The following CREB5 variants were observed in gnomAD, a reference collection of about 807,000 sequenced individuals.
The protein encoded by CREB5 is cAMP responsive element binding protein 5, also known as cyclic AMP-responsive element-binding protein 5.
CREB5 carries 19 observed loss-of-function variants against 57.1 expected under a neutral mutation model. The ratio of observed to expected loss-of-function variants is 0.33; its 90% CI spans 0.23 to 0.49. CREB5 has a LOEUF of 0.49. Ranked by LOEUF, CREB5 falls within the 20% of genes least tolerant of loss-of-function variation. The probability of loss-of-function intolerance (pLI) is 0.99; values close to 1 mark genes in which losing one functional copy is unlikely to be tolerated. For synonymous variants in CREB5, 238 were observed against 238.3 expected (o/e 1.00, Z 0.01); for missense variants, 579 against 671.6 (o/e 0.86, Z 1.52).
chr7:28,411,453 TAAGTCATTGA>T (rs1295873483), upstream of CREB5, among the ~76,000 whole-genome samples: 1 of 148,274 alleles, frequency 6.7e-6, no homozygotes, highest in Non-Finnish European at 1.5e-5. Context: ...GTCGAATACG[TAAGTCATTGA>T]ACTGAGTCAG....
At chr7:28,543,002 C>T (rs927282735) in intron 4 of CREB5, among the ~76,000 whole-genome samples, 1 of 152,086 alleles carries the variant, frequency 6.6e-6, no homozygotes, top group African/African-American at 2.4e-5. Flanking sequence ...TCATAATTGC[C>T]CTGATCATCA....
chr7:28,332,775 C>T (rs534971131), intron 1 of CREB5, among the ~76,000 whole-genome samples: 17 of 152,310 alleles, frequency 1.1e-4, no homozygotes, highest in African/African-American at 3.8e-4. Context: ...ATGGGCATCT[C>T]TCCATGTGAA....
intron 7 of CREB5, among the ~76,000 whole-genome samples, chr7:28,799,568 C>T (rs781337513): frequency 6.6e-6 from 1 of 152,134 alleles, no homozygotes. Flanking sequence ...TCTGGTGCAT[C>T]GTATTTATTT....
At chr7:28,604,041 A>C (rs1797024916) in intron 5 of CREB5, among the ~76,000 whole-genome samples, 1 of 152,184 alleles carries the variant, frequency 6.6e-6, no homozygotes, top group South Asian at 2.1e-4. Flanking sequence ...GAAAGTTTTC[A>C]AACCAGTTCA....
intron 5 of CREB5, among the ~76,000 whole-genome samples, chr7:28,712,016 C>T (rs1317390607): frequency 6.6e-6 from 1 of 152,158 alleles, no homozygotes; most frequent in East Asian, 1.9e-4. Context: ...CCCCATTTTA[C>T]AGTTGAAGAA....
intron 1 of CREB5, among the ~76,000 whole-genome samples, chr7:28,404,688 G>A (rs1277526315): frequency 6.6e-6 from 1 of 152,188 alleles, no homozygotes; most frequent in Non-Finnish European, 1.5e-5. Flanking sequence ...GTGTGACCAG[G>A]TATCACAGGC....
intron 5 of CREB5, among the ~76,000 whole-genome samples, chr7:28,588,787 T>G (rs1796391080): frequency 6.6e-6 from 1 of 152,154 alleles, no homozygotes; most frequent in Admixed American, 6.5e-5. Flanking sequence ...CCTGCTGTAT[T>G]TTCTTACCTA....
chr7:28,700,340 G>C (rs531031250), intron 5 of CREB5, among the ~76,000 whole-genome samples: 34 of 152,126 alleles, frequency 2.2e-4, no homozygotes, highest in African/African-American at 8.2e-4. Flanking sequence ...TGGAACCCCC[G>C]GGGTATTAAA....
At chr7:28,378,785 G>C (rs761896576) in intron 1 of CREB5, among the ~76,000 whole-genome samples, 1 of 152,228 alleles carries the variant, frequency 6.6e-6, no homozygotes, top group Admixed American at 6.5e-5. Flanking sequence ...TCCTTGGGTA[G>C]AGTTGTTCAA....
At chr7:28,455,689 G>C (rs1295493420) in intron 1 of CREB5, among the ~76,000 whole-genome samples, 1 of 151,864 alleles carries the variant, frequency 6.6e-6, no homozygotes, top group Non-Finnish European at 1.5e-5. Context: ...GGAATGCGGG[G>C]TTAAAGTAGT....
intron 6 of CREB5, among the ~76,000 whole-genome samples, chr7:28,720,747 T>C (rs914017363): frequency 3.9e-5 from 6 of 152,192 alleles, no homozygotes; most frequent in South Asian, 2.1e-4. Flanking sequence ...TATCCCACAT[T>C]TTATTCAACC....
At chr7:28,708,011 C>G (rs780908376) in intron 5 of CREB5, among the ~76,000 whole-genome samples, 1 of 152,184 alleles carries the variant, frequency 6.6e-6, no homozygotes, top group Non-Finnish European at 1.5e-5. Flanking sequence ...CCACACCTCC[C>G]CCTTCTCCCC....
chr7:28,368,064 T>C (rs1221537438), intron 1 of CREB5, among the ~76,000 whole-genome samples: 1 of 152,172 alleles, frequency 6.6e-6, no homozygotes, highest in Admixed American at 6.5e-5. Flanking sequence ...ATCATGTTAC[T>C]CCACTGGCTA....
At chr7:28,625,843 A>G (rs927268385) in intron 5 of CREB5, among the ~76,000 whole-genome samples, 23 of 152,222 alleles carry the variant, frequency 1.5e-4, no homozygotes. Context: ...ATGACATAAT[A>G]TCATAGAGGA....
chr7:28,737,561 ATATATATATATATATAT>A (rs1562606547), intron 7 of CREB5, among the ~76,000 whole-genome samples: 7 of 131,786 alleles, frequency 5.3e-5, no homozygotes, highest in African/African-American at 2.0e-4. Flanking sequence ...ATATATATAT[ATATATATATATATATAT>A]ATATATATAT....
intron 4 of CREB5, among the ~76,000 whole-genome samples, chr7:28,510,644 T>C (rs1463264061): frequency 6.6e-6 from 1 of 152,238 alleles, no homozygotes; most frequent in African/African-American, 2.4e-5. Context: ...GTACAGACTC[T>C]GTCTCTAATC....
At chr7:28,412,954 G>T (rs753598605) in intron 1 of CREB5, 37 bp downstream of exon 1, 8 of 1,391,464 alleles carry the variant, frequency 5.7e-6, no homozygotes, top group Admixed American at 2.6e-5. Context: ...TAAACAGAGA[G>T]AAAACTTTGC....
chr7:28,818,200 C>G (rs367901242), intron 10 of CREB5, 21 bp downstream of exon 10: 4 of 1,571,848 alleles, frequency 2.5e-6, no homozygotes, highest in Non-Finnish European at 2.6e-6. Context: ...GACTTTTTCA[C>G]TTTTCTTTAG....
At chr7:28,778,665 A>G (rs953350730) in intron 7 of CREB5, among the ~76,000 whole-genome samples, 1 of 152,218 alleles carries the variant, frequency 6.6e-6, no homozygotes, top group East Asian at 1.9e-4. Context: ...ATGTGCTAGT[A>G]TAGTGCCAAA....
Sources: allele counts gnomAD v4.1 joint callset (sites outside exome capture counted in the v4.1 genomes callset), GRCh38; gene constraint gnomAD v4.1.1; transcripts MANE v1.5; gene names NCBI Gene and HGNC (gene_info 2026-07-23, HGNC 2026-07-21).